The following CERK variants were observed in gnomAD, a reference collection of about 807,000 sequenced individuals.
CERK encodes acylsphingosine kinase.
Under a neutral mutation model 63.4 loss-of-function variants are expected in CERK, and 39 were observed. The ratio of observed to expected loss-of-function variants is 0.61; its 90% CI spans 0.48 to 0.80. The LOEUF (loss-of-function observed/expected upper bound fraction) is 0.80, where lower values mean the gene tolerates loss of function less well. CERK is among the 30% of genes least tolerant of loss of function. The pLI is 0.00. For synonymous variants in CERK, 302 were observed against 280.0 expected, an observed-to-expected ratio of 1.08 and a Z score of -0.78; for missense variants, 670 against 714.1, an observed-to-expected ratio of 0.94 and a Z score of 0.70.
chr22:46,702,351 GT>G (rs1461082377), intron 6 of CERK, among the ~76,000 whole-genome samples: 1 of 149,948 alleles, frequency 6.7e-6, no homozygotes, highest in East Asian at 2.0e-4. Flanking sequence ...CTGGAGTGCG[GT>G]GGCGTGATCT....
intron 3 of CERK, among the ~76,000 whole-genome samples, chr22:46,717,926 C>T (rs996931760): frequency 6.6e-6 from 1 of 152,122 alleles, no homozygotes; most frequent in African/African-American, 2.4e-5. Flanking sequence ...ACAACAAATA[C>T]AAAAATTAGC....
chr22:46,717,952 G>A (rs955657921), intron 3 of CERK, among the ~76,000 whole-genome samples: 1 of 152,144 alleles, frequency 6.6e-6, no homozygotes, highest in Non-Finnish European at 1.5e-5. Flanking sequence ...GTGGTAATGG[G>A]TGCCTATAAT....
intron 1 of CERK, among the ~76,000 whole-genome samples, chr22:46,734,418 T>C (rs1320938998): frequency 6.7e-6 from 1 of 149,984 alleles, no homozygotes; most frequent in Non-Finnish European, 1.5e-5. Context: ...ATGGCATGAT[T>C]CCATTTACAT....
intron 3 of CERK, among the ~76,000 whole-genome samples, chr22:46,713,340 TA>T (rs34241377): frequency 3.4e-5 from 5 of 147,298 alleles, no homozygotes; most frequent in Non-Finnish European, 3.0e-5. Context: ...CCGTCTCTAC[TA>T]AAAAAAAATA....
chr22:46,727,193 A>G (rs1601729475), intron 1 of CERK, among the ~76,000 whole-genome samples: 1 of 152,174 alleles, frequency 6.6e-6, no homozygotes, highest in South Asian at 2.1e-4. Flanking sequence ...GGGATAAGGT[A>G]CCTGCCAATC....
intron 1 of CERK, among the ~76,000 whole-genome samples, chr22:46,726,629 G>A (rs373998304): frequency 1.3e-5 from 2 of 152,184 alleles, no homozygotes; most frequent in Admixed American, 6.5e-5. Context: ...TGAGCTGTGT[G>A]AACATCTGAT....
intron 12 of CERK, among the ~76,000 whole-genome samples, chr22:46,688,740 C>A (rs1184431050): frequency 1.3e-5 from 2 of 152,252 alleles, no homozygotes; most frequent in African/African-American, 4.8e-5. Flanking sequence ...TGCAGACAGG[C>A]GTGGGCCTGC....
chr22:46,732,221 G>A (rs1412606309), intron 1 of CERK, among the ~76,000 whole-genome samples: 1 of 151,964 alleles, frequency 6.6e-6, no homozygotes, highest in Non-Finnish European at 1.5e-5. Flanking sequence ...GCTGGAGCTT[G>A]TATGCGGGTG....
chr22:46,735,728 A>G (rs921458837), intron 1 of CERK, among the ~76,000 whole-genome samples: 1 of 152,078 alleles, frequency 6.6e-6, no homozygotes, highest in Non-Finnish European at 1.5e-5. Context: ...ACCTGGGGGA[A>G]TGGGGAGGGC....
At chr22:46,719,326 G>A (rs2082881064) in intron 3 of CERK, among the ~76,000 whole-genome samples, 1 of 151,970 alleles carries the variant, frequency 6.6e-6, no homozygotes, top group African/African-American at 2.4e-5. Flanking sequence ...TTGTTACTCA[G>A]CATGCAATAA....
chr22:46,728,747 A>T (rs9306516), intron 1 of CERK, among the ~76,000 whole-genome samples: 11,656 of 152,282 alleles, frequency 0.077, 529 homozygotes, highest in Non-Finnish European at 0.095. Context: ...TGGAGAGGCC[A>T]GCGTGCAGAG....
chr22:46,701,947 G>A (rs904938188), intron 6 of CERK, among the ~76,000 whole-genome samples: 2 of 152,162 alleles, frequency 1.3e-5, no homozygotes, highest in Non-Finnish European at 1.5e-5. Context: ...TTGAGAGGCC[G>A]AGGTGGGCGG....
At chr22:46,689,513 G>A (rs2082719423) in intron 12 of CERK, among the ~76,000 whole-genome samples, 1 of 152,184 alleles carries the variant, frequency 6.6e-6, no homozygotes, top group Non-Finnish European at 1.5e-5. Flanking sequence ...TGGGATTACA[G>A]GCATGCACCA....
chr22:46,709,577 A>T lies in CERK; in HGVS notation c.569+1509T>A, dbSNP rs147760099. 7.0e-3 allele frequency among the ~76,000 whole-genome samples: 1,061 copies of T among 152,326 alleles called. 6 individuals are homozygous for T. The highest frequency in any genetic ancestry group is 0.014 in the Middle Eastern group (4 of 294). ...CCCTTTCTAACCTTAGCACCAGCAG[A>T]GTGCTGGGACCTGGAGGACCCTCAA... On this transcript the variant is annotated intron_variant, in intron 5 of 12. Coordinates refer to ENST00000216264, the MANE Select transcript of CERK (RefSeq NM_022766.6).
intron 3 of CERK, 50 bp from the exon 4 acceptor site, chr22:46,712,343 G>T (rs781771145): frequency 6.3e-7 from 1 of 1,577,790 alleles, no homozygotes; most frequent in Admixed American, 1.7e-5. Context: ...AAATCAAAAC[G>T]AAGAGCTCTG....
intron 12 of CERK, 83 bp downstream of exon 12, chr22:46,689,909 C>T (rs1414162106): frequency 1.1e-5 from 11 of 1,040,482 alleles, no homozygotes; most frequent in South Asian, 8.0e-5. Context: ...CAGGGAACCC[C>T]CCACCCTGGG....
chr22:46,705,831 G>A (rs1440049657), intron 6 of CERK, among the ~76,000 whole-genome samples: 2 of 151,856 alleles, frequency 1.3e-5, no homozygotes, highest in African/African-American at 4.8e-5. Flanking sequence ...CCAGGAGTTT[G>A]AGACCAGCCT....
At chr22:46,697,658 AC>A (rs1170397245) in intron 8 of CERK, among the ~76,000 whole-genome samples, 1 of 152,082 alleles carries the variant, frequency 6.6e-6, no homozygotes, top group African/African-American at 2.4e-5. Context: ...GGTGTGCACC[AC>A]CATGCCTGAC....
In CERK at chr22:46,699,755, C is replaced by T. The variant is rs779420211; in HGVS notation, c.791-290G>A. On this transcript the variant is annotated intron_variant, in intron 7 of 12. Coordinates refer to ENST00000216264, the MANE Select transcript of CERK (RefSeq NM_022766.6). ...CATGAAATATCTTTAACTGAAAGGA[C>T]GGTGGTTTTAGAATGAAGAAAAAGT... 6.6e-5 allele frequency among the ~76,000 whole-genome samples: 10 copies of T among 152,208 alleles called. 1 individual carries two copies. Among genetic ancestry groups the T allele is most frequent in the Non-Finnish European group, 4.4e-5 (3 of 68,022 alleles).
Sources: allele counts gnomAD v4.1 joint callset (sites outside exome capture counted in the v4.1 genomes callset), GRCh38; gene constraint gnomAD v4.1.1; transcripts MANE v1.5; gene names NCBI Gene and HGNC (gene_info 2026-07-23, HGNC 2026-07-21).